Variants in KCNQ1 observed in about 807,000 individuals in gnomAD.
KCNQ1 encodes the protein potassium voltage-gated channel subfamily KQT member 1.
A neutral mutation model predicts 72.4 loss-of-function variants in KCNQ1; 49 were observed. The ratio of observed to expected loss-of-function variants is 0.68; its 90% CI spans 0.54 to 0.86. The LOEUF is 0.86. KCNQ1 is among the 40% of genes least tolerant of loss of function. The pLI, the probability that KCNQ1 is intolerant of heterozygous loss-of-function variation, is 0.00. For synonymous variants in KCNQ1, 450 were observed against 412.6 expected, an observed-to-expected ratio of 1.09 and a Z score of -1.10; for missense variants, 790 against 945.1, an observed-to-expected ratio of 0.84 and a Z score of 2.15.
Position 2,612,830 on chromosome 11 carries a change from T to A in KCNQ1, c.1393+23976T>A, listed in dbSNP as rs990061777. ...CATTTTTTTTGTTAAAAACTTACTT[T>A]AGATAATATATCGTAGAAACTCTGG... On this transcript the variant is annotated intron_variant, in intron 10 of 15. Transcript: ENST00000155840. The surrounding 1 kb of genome is among the most constrained non-coding windows in gnomAD (Gnocchi z 5.5). 2 of 398,514 alleles carry A rather than the reference T, an allele frequency of 5.0e-6. No individual in the cohort carries two copies. Among genetic ancestry groups the A allele is most frequent in the Non-Finnish European group, 8.8e-6 (2 of 226,066 alleles). The allele number at this position is 398,514 out of a possible 1,614,324, so 24.7% of individuals were successfully genotyped here.
In KCNQ1 at chr11:2,668,163, C is replaced by T; in HGVS notation, c.1514+6082C>T. ...GCTGAAGGGAGAGTGCTCCCTCATG[C>T]TCCTTGCTGACTGGTGCTCCATTGT... On this transcript the variant is annotated intron_variant, in intron 11 of 15. Transcript: ENST00000155840. This position sits in a 1 kb window ranked among gnomAD's most constrained non-coding sequence, Gnocchi z 4.3. 2.5e-6 allele frequency: 1 copy of T among 398,652 alleles called. No homozygotes were observed. The highest frequency in any genetic ancestry group is 4.4e-6 in the Non-Finnish European group (1 of 226,088). 24.7% of individuals were successfully genotyped at this position (398,652 alleles called of 1,614,324 possible). A position where few individuals can be genotyped will look rare whatever the true frequency, so the allele number is the denominator to read the frequency against.
rs145704168 is a variant in KCNQ1, at chr11:2,674,303, G to A, written c.1514+12222G>A. Reference sequence around the variant, plus strand: ...TAGGACCTTTCTTCATCATGCAGCCGTAGAGCTGGAGGCCAAGGACACCCT... The same window carrying A: ...TAGGACCTTTCTTCATCATGCAGCCATAGAGCTGGAGGCCAAGGACACCCT... On this transcript the variant is annotated intron_variant, in intron 11 of 15. Transcript: ENST00000155840. This position sits in a 1 kb window ranked among gnomAD's most constrained non-coding sequence, Gnocchi z 5.9. 218 of 398,694 alleles carry A rather than the reference G, an allele frequency of 5.5e-4. No individual in the cohort carries two copies. The highest frequency in any genetic ancestry group is 3.6e-3 in the Admixed American group (81 of 22,736). 24.7% of individuals were successfully genotyped at this position (398,694 alleles called of 1,614,324 possible).
intron 2 of KCNQ1, among the ~76,000 whole-genome samples, chr11:2,533,880 T>C (rs1847683607): frequency 6.6e-6 from 1 of 152,204 alleles, no homozygotes; most frequent in African/African-American, 2.4e-5. Context: ...GTCCGCGCCT[T>C]TGGTGGTGAA....
chr11:2,570,876 G>T lies in KCNQ1; in HGVS notation c.604+122G>T, dbSNP rs546896148. 5.0e-6 allele frequency: 7 copies of T among 1,388,230 alleles called. No individual in the cohort carries two copies. In the African/African-American group the frequency reaches 7.1e-5, roughly 14 times the overall value. The allele number at this position is 1,388,230 out of a possible 1,614,324, so 86.0% of individuals were successfully genotyped here. A position where few individuals can be genotyped will look rare whatever the true frequency, so the allele number is the denominator to read the frequency against. ...TGGGGAACCCCAAGGCCAGCAGGGG[G>T]TGACTGCCCAGGACCCAGCACAGGA... On this transcript the variant is annotated intron_variant, in intron 3 of 15. Coordinates refer to ENST00000155840, the MANE Select transcript of KCNQ1 (RefSeq NM_000218.3).
At chr11:2,837,100 C>T (rs376583307) in intron 15 of KCNQ1, among the ~76,000 whole-genome samples, 8 of 152,108 alleles carry the variant, frequency 5.3e-5, no homozygotes, top group Non-Finnish European at 8.8e-5. Flanking sequence ...GCACGTAGGG[C>T]GGAGGAAGAG....
chr11:2,831,348 G>A (rs562322713), intron 15 of KCNQ1, among the ~76,000 whole-genome samples: 27 of 152,284 alleles, frequency 1.8e-4, no homozygotes, highest in Admixed American at 2.0e-4. Context: ...ACCAGTGGCG[G>A]CTGGAAATAA....
chr11:2,802,373 C>T (rs1205659835), intron 15 of KCNQ1, among the ~76,000 whole-genome samples: 7 of 152,100 alleles, frequency 4.6e-5, no homozygotes, highest in Non-Finnish European at 8.8e-5. Flanking sequence ...TATTAACTGT[C>T]ATCCCAAGGG....
intron 2 of KCNQ1, among the ~76,000 whole-genome samples, chr11:2,532,270 T>A (rs1847652482): frequency 6.6e-6 from 1 of 152,142 alleles, no homozygotes; most frequent in Non-Finnish European, 1.5e-5. Flanking sequence ...GCATGGCGCT[T>A]CCTGGCCGTG....
chr11:2,460,491 C>T (rs181007275), intron 1 of KCNQ1, among the ~76,000 whole-genome samples: 1,713 of 141,044 alleles, frequency 0.012, 21 homozygotes, highest in South Asian at 0.035. Context: ...CCTCCTCCCT[C>T]CCTCCCTCCC....
chr11:2,702,071 C>G (rs980707637), intron 11 of KCNQ1, among the ~76,000 whole-genome samples: 1 of 152,236 alleles, frequency 6.6e-6, no homozygotes, highest in Admixed American at 6.5e-5. Context: ...CTCCTCTGGC[C>G]TTCCTCAGCC....
Position 2,647,549 on chromosome 11 carries a change from C to G in KCNQ1, c.1394-14412C>G, listed in dbSNP as rs1355353610. On this transcript the variant is annotated intron_variant, in intron 10 of 15. Coordinates refer to ENST00000155840, the MANE Select transcript of KCNQ1 (RefSeq NM_000218.3). This position sits in a 1 kb window ranked among gnomAD's most constrained non-coding sequence, Gnocchi z 4.0. ...TAGGGAGAATTCCTTTCTCTTCAGT[C>G]TTTTGGAATTGTCTGAGAAGAATTC... The G allele has an allele frequency of 1.5e-5, 6 of 398,378 alleles. No individual in the cohort carries two copies. Among genetic ancestry groups the G allele is most frequent in the Non-Finnish European group, 2.2e-5 (5 of 226,060 alleles). The allele number at this position is 398,378 out of a possible 1,614,324, so 24.7% of individuals were successfully genotyped here. A position where few individuals can be genotyped will look rare whatever the true frequency, so the allele number is the denominator to read the frequency against.
In KCNQ1 at chr11:2,830,941, C is replaced by A. The variant is rs1322310618; in HGVS notation, c.1795-16826C>A. ...AAACCGCAAGGGTACCCTTGGGAGA[C>A]CCCGTGCAGGTCTTGTCAAGGCAGG... On this transcript the variant is annotated intron_variant, in intron 15 of 15. Coordinates refer to ENST00000155840, the MANE Select transcript of KCNQ1 (RefSeq NM_000218.3). The surrounding 1 kb of genome is among the most constrained non-coding windows in gnomAD (Gnocchi z 7.7). Among the ~76,000 whole-genome samples the A allele has an allele frequency of 6.6e-6, 1 of 152,210 alleles. No homozygotes were observed. The highest frequency in any genetic ancestry group is 1.5e-5 in the Non-Finnish European group (1 of 68,038).
chr11:2,844,233 G>A lies in KCNQ1; in HGVS notation c.1795-3534G>A, dbSNP rs566418533. Among the ~76,000 whole-genome samples the A allele has an allele frequency of 5.3e-5, 8 of 152,362 alleles. No individual in the cohort carries two copies. The South Asian group carries it at 1.2e-3, about 24-fold the overall frequency. ...GAGCTAAGACTCTGGGGCTGCCGAG[G>A]AGCCACCTGTAGCCCAGGCCTGGGC... is the stretch of plus-strand genomic sequence containing the variant. On this transcript the variant is annotated intron_variant, in intron 15 of 15. Coordinates refer to ENST00000155840, the MANE Select transcript of KCNQ1 (RefSeq NM_000218.3).
In KCNQ1 at chr11:2,657,489, A is replaced by G. The variant is rs1346837139; in HGVS notation, c.1394-4472A>G. The G allele has an allele frequency of 3.8e-5, 15 of 398,382 alleles. No homozygotes were observed. Among genetic ancestry groups the G allele is most frequent in the Middle Eastern group, 6.2e-4 (1 of 1,610 alleles). 24.7% of individuals were successfully genotyped at this position (398,382 alleles called of 1,614,324 possible). A position where few individuals can be genotyped will look rare whatever the true frequency, so the allele number is the denominator to read the frequency against. On this transcript the variant is annotated intron_variant, in intron 10 of 15. Coordinates refer to ENST00000155840, the MANE Select transcript of KCNQ1 (RefSeq NM_000218.3). The surrounding 1 kb of genome is among the most constrained non-coding windows in gnomAD (Gnocchi z 4.8). ...AGGTTCTGTTTTCTCTTGTTACCTC[A>G]CATTTTTTATTTACAGAAGAGAAAC...
chr11:2,535,101 T>G (rs773799243), intron 2 of KCNQ1, among the ~76,000 whole-genome samples: 88 of 152,222 alleles, frequency 5.8e-4, no homozygotes, highest in Non-Finnish European at 7.5e-4. Flanking sequence ...CCCATGAGCC[T>G]GTAGGAGAAA....
intron 11 of KCNQ1, chr11:2,665,212 G>A (rs16928523): frequency 0.013 from 5,129 of 398,632 alleles, 162 homozygotes; most frequent in East Asian, 0.08. Flanking sequence ...GGCAGAAGCT[G>A]TCTTCCTAGG....
chr11:2,650,358 T>G, intron 10 of KCNQ1: 1 of 398,632 alleles, frequency 2.5e-6, no homozygotes, highest in East Asian at 3.6e-5. Context: ...CAAGTTGATA[T>G]CTGCATATCT....
chr11:2,462,073 C>A lies in KCNQ1; in HGVS notation c.386+16589C>A, dbSNP rs925627444. On this transcript the variant is annotated intron_variant, in intron 1 of 15. Coordinates refer to ENST00000155840, the MANE Select transcript of KCNQ1 (RefSeq NM_000218.3). This position sits in a 1 kb window ranked among gnomAD's most constrained non-coding sequence, Gnocchi z 8.2. Reference sequence around the variant, plus strand: ...CAGCTGTCCAGAGATGAGACCCAGCCCCACTGTGTCTTTCTGGGATTCACA... The same window carrying A: ...CAGCTGTCCAGAGATGAGACCCAGCACCACTGTGTCTTTCTGGGATTCACA... The A allele has an allele frequency of 1.4e-5, 4 of 296,252 alleles. No individual in the cohort carries two copies. Among genetic ancestry groups the A allele is most frequent in the African/African-American group, 2.2e-5 (1 of 45,932 alleles). The allele number at this position is 296,252 out of a possible 1,614,324, so 18.4% of individuals were successfully genotyped here.
In KCNQ1 at chr11:2,508,839, G is replaced by T. The variant is rs568300265; in HGVS notation, c.387-19089G>T. Among the ~76,000 whole-genome samples the T allele has an allele frequency of 4.9e-4, 74 of 152,248 alleles. 1 individual carries two copies. Among genetic ancestry groups the T allele is most frequent in the Non-Finnish European group, 9.3e-4 (63 of 68,040 alleles). On this transcript the variant is annotated intron_variant, in intron 1 of 15. Transcript: ENST00000155840. The surrounding 1 kb of genome is among the most constrained non-coding windows in gnomAD (Gnocchi z 6.2). The stretch of plus-strand genomic sequence containing the variant: ...TTGAGGAGGGCTAAGGAAAGTCACA[G>T]TTGAATGCATGCTCCCTCCACACCC...
Sources: gnomAD v4.1 joint callset for allele counts (sites outside exome capture counted in the v4.1 genomes callset) on GRCh38, gnomAD v4.1.1 for gene constraint, Gnocchi (gnomAD v3.1) non-coding constraint, MANE v1.5 for transcripts, NCBI Gene and HGNC (gene_info 2026-07-23, HGNC 2026-07-21) for gene names.